GYG1: variants seen among roughly 807,000 people sequenced by gnomAD.
The protein encoded by GYG1 is glycogenin 1, also known as glycogenin-1.
A neutral mutation model predicts 41.9 loss-of-function variants in GYG1; 44 were observed. That is an observed-to-expected ratio of 1.05 (90% CI 0.83 to 1.35). GYG1 has a LOEUF of 1.35. Among genes scored for constraint, GYG1 ranks in the 40% most tolerant of loss-of-function variants. GYG1 has a pLI of 0.00. For missense variants in GYG1, 429 were observed against 418.9 expected, an observed-to-expected ratio of 1.02 and a Z score of -0.21; for synonymous variants, 141 against 158.1, an observed-to-expected ratio of 0.89 and a Z score of 0.81.
At chr3:149,000,230 G>A (rs1189318430) in intron 4 of GYG1, among the ~76,000 whole-genome samples, 3 of 152,158 alleles carry the variant, frequency 2.0e-5, no homozygotes, top group East Asian at 1.9e-4. Context: ...TTTAGAACTG[G>A]TGACTACATA....
rs13068009 is a variant in GYG1, at chr3:149,029,332, A to G, written c.*2399A>G. Reference sequence around the variant, plus strand: ...TTATATTTGCAGAGGTGATCCATATATACTTATCCCCTTGCAGTGGCTGGT... The same window carrying G: ...TTATATTTGCAGAGGTGATCCATATGTACTTATCCCCTTGCAGTGGCTGGT... On this transcript the variant is annotated 3_prime_UTR_variant, in exon 8 of 8. Coordinates refer to ENST00000345003, the MANE Select transcript of GYG1 (RefSeq NM_004130.4). Among the ~76,000 whole-genome samples, 41,121 of 152,114 alleles carry G rather than the reference A, an allele frequency of 0.27. 5,504 individuals are homozygous for G. Among genetic ancestry groups the G allele is most frequent in the East Asian group, 0.33 (1,683 of 5,174 alleles).
rs762553121 is a variant in GYG1 at position 149,026,724 on chromosome 3, C to A, written c.880-36C>A. On this transcript the variant is annotated intron_variant, in intron 7 of 7. Coordinates refer to ENST00000345003, the MANE Select transcript of GYG1 (RefSeq NM_004130.4). Reference sequence around the variant, plus strand: ...GCATTCTTTAAAACAGTTTGATTTTCAGCTCTCATAGAGTCAATTATGCTT... The same window carrying A: ...GCATTCTTTAAAACAGTTTGATTTTAAGCTCTCATAGAGTCAATTATGCTT... 14 of 1,421,308 alleles carry A rather than the reference C, an allele frequency of 9.9e-6. No homozygotes were observed. The Admixed American group carries it at 2.0e-4, about 20-fold the overall frequency. 88.0% of individuals were successfully genotyped at this position (1,421,308 alleles called of 1,614,324 possible).
At chr3:148,991,690 C>A in intron 1 of GYG1, 43 bp downstream of exon 1, 1 of 1,450,998 alleles carries the variant, frequency 6.9e-7, no homozygotes. Context: ...GGGACCCCGG[C>A]TTCCTGCCCA....
intron 5 of GYG1, 33 bp downstream of exon 5, chr3:149,009,435 T>A (rs1259943706): frequency 6.2e-7 from 1 of 1,610,064 alleles, no homozygotes; most frequent in African/African-American, 1.3e-5. Context: ...TTGTTGGAGA[T>A]GTTGAGGGCA....
chr3:149,006,934 G>A (rs1371403626), intron 4 of GYG1, among the ~76,000 whole-genome samples: 2 of 152,110 alleles, frequency 1.3e-5, no homozygotes, highest in Non-Finnish European at 2.9e-5. Context: ...AATTGTCTTT[G>A]GTTCTCATAT....
At chr3:149,003,894 A>G (rs1295299876) in intron 4 of GYG1, 1 of 152,202 alleles carries the variant, frequency 6.6e-6, no homozygotes, top group Non-Finnish European at 1.5e-5. Context: ...AAAGTACACA[A>G]GCATTGAACA....
chr3:149,008,530 G>A (rs1424263465), intron 4 of GYG1, among the ~76,000 whole-genome samples: 1 of 152,190 alleles, frequency 6.6e-6, no homozygotes, highest in African/African-American at 2.4e-5. Context: ...TCAGATATTG[G>A]TTTAAACACA....
intron 1 of GYG1, among the ~76,000 whole-genome samples, chr3:148,993,663 C>CATAT (rs1712620394): frequency 6.6e-6 from 1 of 152,178 alleles, no homozygotes; most frequent in African/African-American, 2.4e-5. Context: ...TACATACATA[C>CATAT]ATTCCTGAGG....
chr3:149,009,158 CAAAAA>C (rs3043934), intron 4 of GYG1, 113 bp from the exon 5 acceptor site: 35 of 640,954 alleles, frequency 5.5e-5, no homozygotes, highest in East Asian at 5.2e-4. Context: ...GACTCCGTCT[CAAAAA>C]AAAAAAAAAA....
At chr3:149,013,241 C>T (rs549909261) in intron 5 of GYG1, among the ~76,000 whole-genome samples, 4 of 152,050 alleles carry the variant, frequency 2.6e-5, no homozygotes, top group East Asian at 1.9e-4. Context: ...TTAATAAATA[C>T]GTTTTTTTAA....
Position 149,024,253 on chromosome 3 carries a change from C to T in GYG1, c.809C>T (p.Thr270Ile), listed in dbSNP as rs1198924627. The T allele has an allele frequency of 6.2e-7, 1 of 1,603,158 alleles. No individual in the cohort carries two copies. Among genetic ancestry groups the T allele is most frequent in the Non-Finnish European group, 8.5e-7 (1 of 1,170,042 alleles). Residue 270 changes from threonine to isoleucine, a missense_variant, in exon 6 of 8, where the codon ACC becomes ATC. By Grantham distance (89) the Thr-to-Ile change is moderately conservative. Coordinates refer to ENST00000345003, the MANE Select transcript of GYG1 (RefSeq NM_004130.4). ...CAACAATTTGGCCTTGTCAAAGACA[C>T]CTGCTCATATGTAAATGTGGTAGGT... ...LLQQFGLVKD[T>I]CSYVNVLSDL...
intron 4 of GYG1, among the ~76,000 whole-genome samples, chr3:149,007,504 G>C (rs539418368): frequency 5.9e-5 from 9 of 152,298 alleles, no homozygotes; most frequent in South Asian, 2.1e-4. Flanking sequence ...TCTTAGAGTT[G>C]ATTGAAGGTA....
intron 5 of GYG1, among the ~76,000 whole-genome samples, chr3:149,021,827 G>A (rs1023394046): frequency 5.9e-5 from 9 of 151,588 alleles, no homozygotes; most frequent in African/African-American, 1.9e-4. Flanking sequence ...TATTTTGAAC[G>A]GTATATCATG....
chr3:148,997,822 A>G (rs1420380757), intron 4 of GYG1, among the ~76,000 whole-genome samples: 1 of 152,236 alleles, frequency 6.6e-6, no homozygotes, highest in Non-Finnish European at 1.5e-5. Context: ...GCTGTGTGCT[A>G]TTCACATGGG....
chr3:149,003,538 T>C (rs958615546), intron 4 of GYG1, among the ~76,000 whole-genome samples: 3 of 152,248 alleles, frequency 2.0e-5, no homozygotes, highest in Admixed American at 2.0e-4. Flanking sequence ...ACATTTTTTA[T>C]AGAAATGATA....
Position 149,029,504 on chromosome 3 carries a change from CTG to C in GYG1, c.*2573_*2574del, listed in dbSNP as rs1480041977. ...TTCTCCTTATACCCATATTGTCCTG[CTG>C]TATAACACATTTTGCAGATATTTTG... On this transcript the variant is annotated 3_prime_UTR_variant, in exon 8 of 8. Transcript: ENST00000345003. Among the ~76,000 whole-genome samples, 1 of 152,138 alleles carries C rather than the reference CTG, an allele frequency of 6.6e-6. No homozygotes were observed. Among genetic ancestry groups the C allele is most frequent in the Non-Finnish European group, 1.5e-5 (1 of 68,022 alleles).
At chr3:149,014,720 T>C (rs1303974676) in intron 5 of GYG1, among the ~76,000 whole-genome samples, 1 of 151,734 alleles carries the variant, frequency 6.6e-6, no homozygotes, top group Admixed American at 6.6e-5. Context: ...ACATAAAAAT[T>C]AGCTGGGCGT....
At chr3:149,020,582 C>CAT in intron 5 of GYG1, among the ~76,000 whole-genome samples, 1 of 152,352 alleles carries the variant, frequency 6.6e-6, no homozygotes, top group East Asian at 1.9e-4. Flanking sequence ...ATGCCTGCGA[C>CAT]ATATGAATAC....
intron 4 of GYG1, among the ~76,000 whole-genome samples, chr3:148,997,258 A>T (rs1285679797): frequency 2.6e-5 from 4 of 152,184 alleles, no homozygotes; most frequent in Admixed American, 2.6e-4. Context: ...AAGTAAACGT[A>T]AGCTCAAGAG....
Sources: allele counts gnomAD v4.1 joint callset (sites outside exome capture counted in the v4.1 genomes callset), GRCh38; gene constraint gnomAD v4.1.1; transcripts MANE v1.5; gene names NCBI Gene and HGNC (gene_info 2026-07-23, HGNC 2026-07-21).